VAT1L: variants seen among roughly 807,000 people sequenced by gnomAD.
VAT1L encodes the protein putative NADPH-dependent quinone oxidoreductase VAT1L.
Under a neutral mutation model 44.1 loss-of-function variants are expected in VAT1L, and 34 were observed. That is an observed-to-expected ratio of 0.77 (90% CI 0.59 to 1.03). The LOEUF (loss-of-function observed/expected upper bound fraction) is 1.03. Ranked by LOEUF, VAT1L falls within the 50% of genes least tolerant of loss-of-function variation. The pLI is 0.00. For missense variants in VAT1L, 615 were observed against 538.8 expected, an observed-to-expected ratio of 1.14 and a Z score of -1.40; for synonymous variants, 253 against 202.2, an observed-to-expected ratio of 1.25 and a Z score of -2.13.
At chr16:77,947,156 A>T (rs1383379764) in intron 7 of VAT1L, among the ~76,000 whole-genome samples, 1 of 152,214 alleles carries the variant, frequency 6.6e-6, no homozygotes, top group East Asian at 1.9e-4. Context: ...GAGATAATTA[A>T]AAATTAGATT....
intron 7 of VAT1L, among the ~76,000 whole-genome samples, chr16:77,962,739 A>AATGAAG (rs1567523608): frequency 7.7e-6 from 1 of 129,328 alleles, no homozygotes; most frequent in African/African-American, 2.9e-5. Context: ...AAAGAAGGAA[A>AATGAAG]GAAGGAAGGA....
At chr16:77,812,397 T>A (rs1302665526) in intron 1 of VAT1L, among the ~76,000 whole-genome samples, 1 of 152,108 alleles carries the variant, frequency 6.6e-6, no homozygotes, top group Admixed American at 6.5e-5. Context: ...AAACTCTTGA[T>A]TTTAGTAACA....
At chr16:77,814,635 T>C (rs1427489800) in intron 1 of VAT1L, among the ~76,000 whole-genome samples, 1 of 152,214 alleles carries the variant, frequency 6.6e-6, no homozygotes, top group African/African-American at 2.4e-5. Flanking sequence ...TGGGAAATCA[T>C]TGGTTTTCAT....
chr16:77,815,751 C>T (rs1366145080), intron 1 of VAT1L, among the ~76,000 whole-genome samples: 1 of 151,664 alleles, frequency 6.6e-6, no homozygotes, highest in Non-Finnish European at 1.5e-5. Flanking sequence ...GGCGGATCAC[C>T]TGAGTTAGGA....
intron 7 of VAT1L, among the ~76,000 whole-genome samples, chr16:77,925,984 C>T (rs975694111): frequency 2.0e-5 from 3 of 152,024 alleles, no homozygotes; most frequent in Non-Finnish European, 2.9e-5. Flanking sequence ...GAGTCGGGGC[C>T]GGGTGCGGTG....
At chr16:77,856,405 G>C (rs913862390) in intron 3 of VAT1L, among the ~76,000 whole-genome samples, 1 of 152,120 alleles carries the variant, frequency 6.6e-6, no homozygotes, top group Admixed American at 6.6e-5. Context: ...CACTTAATGG[G>C]TAAAAAGAAT....
intron 7 of VAT1L, among the ~76,000 whole-genome samples, chr16:77,961,018 G>T (rs2018154555): frequency 6.6e-6 from 1 of 152,006 alleles, no homozygotes; most frequent in African/African-American, 2.4e-5. Flanking sequence ...AAACAAATCA[G>T]GAACTCTGCA....
At chr16:77,820,888 C>G (rs1384210302) in intron 2 of VAT1L, among the ~76,000 whole-genome samples, 1 of 152,210 alleles carries the variant, frequency 6.6e-6, no homozygotes, top group Non-Finnish European at 1.5e-5. Context: ...TAGCACCTAG[C>G]AGCCCCTTCC....
chr16:77,936,380 C>G (rs2017796767), intron 7 of VAT1L, among the ~76,000 whole-genome samples: 2 of 152,126 alleles, frequency 1.3e-5, no homozygotes, highest in Non-Finnish European at 2.9e-5. Flanking sequence ...GAGCCTCAGT[C>G]TCCTCAAGTC....
intron 4 of VAT1L, among the ~76,000 whole-genome samples, chr16:77,874,250 G>C (rs1196070811): frequency 2.0e-5 from 3 of 152,118 alleles, no homozygotes; most frequent in Admixed American, 6.5e-5. Flanking sequence ...TCACTGAGAT[G>C]ACTTGATGGC....
At chr16:77,931,382 G>A (rs2017729376) in intron 7 of VAT1L, among the ~76,000 whole-genome samples, 1 of 152,108 alleles carries the variant, frequency 6.6e-6, no homozygotes, top group African/African-American at 2.4e-5. Context: ...TTACCTCTGG[G>A]AAACAAAAGC....
At chr16:77,866,758 C>G (rs2016978613) in intron 4 of VAT1L, among the ~76,000 whole-genome samples, 1 of 152,158 alleles carries the variant, frequency 6.6e-6, no homozygotes. Context: ...CAGACCTAAC[C>G]TTTACATCCG....
At chr16:77,877,512 CAA>C (rs55704400) in intron 5 of VAT1L, among the ~76,000 whole-genome samples, 11 of 86,810 alleles carry the variant, frequency 1.3e-4, no homozygotes, top group African/African-American at 4.0e-4. Context: ...GACTCTGTCT[CAA>C]AAAAAAAAAA....
At chr16:77,927,004 C>T (rs1011599829) in intron 7 of VAT1L, among the ~76,000 whole-genome samples, 2 of 152,130 alleles carry the variant, frequency 1.3e-5, no homozygotes, top group Admixed American at 6.5e-5. Context: ...TAGAAGACAA[C>T]ATAACAGTCA....
chr16:77,889,035 C>T (rs2017237219), intron 7 of VAT1L, among the ~76,000 whole-genome samples: 1 of 152,194 alleles, frequency 6.6e-6, no homozygotes, highest in African/African-American at 2.4e-5. Context: ...CAAGCCCACG[C>T]AGCTCTTCTG....
At chr16:77,840,922 A>G (rs2016697814) in intron 3 of VAT1L, among the ~76,000 whole-genome samples, 1 of 152,216 alleles carries the variant, frequency 6.6e-6, no homozygotes, top group Non-Finnish European at 1.5e-5. Flanking sequence ...TGGATTTCAG[A>G]AGGCAAATAT....
chr16:77,929,957 T>G (rs962919292), intron 7 of VAT1L, among the ~76,000 whole-genome samples: 6 of 152,114 alleles, frequency 3.9e-5, no homozygotes, highest in Admixed American at 3.3e-4. Flanking sequence ...GTTCTCCAAG[T>G]CACTGTCCTC....
chr16:77,829,815 G>T (rs938078122), intron 3 of VAT1L, among the ~76,000 whole-genome samples: 1 of 152,144 alleles, frequency 6.6e-6, no homozygotes, highest in African/African-American at 2.4e-5. Flanking sequence ...TTCCTGTGAG[G>T]TTATTTGCAT....
At chr16:77,968,787 G>C (rs974179652) in intron 7 of VAT1L, among the ~76,000 whole-genome samples, 5 of 152,022 alleles carry the variant, frequency 3.3e-5, no homozygotes, top group Non-Finnish European at 1.5e-5. Flanking sequence ...TGTGATAAAG[G>C]ATTAATTTTT....
Sources: allele counts gnomAD v4.1 joint callset (sites outside exome capture counted in the v4.1 genomes callset), GRCh38; gene constraint gnomAD v4.1.1; transcripts MANE v1.5; gene names NCBI Gene and HGNC (gene_info 2026-07-23, HGNC 2026-07-21).